The following ALPK2 variants were observed in gnomAD, a reference collection of about 807,000 sequenced individuals.
ALPK2 encodes the protein alpha-protein kinase 2.
A neutral mutation model predicts 163.1 loss-of-function variants in ALPK2; 127 were observed. The observed-to-expected ratio is 0.78, with a 90% CI of 0.67 to 0.90. The LOEUF (loss-of-function observed/expected upper bound fraction) is 0.90, where lower values mean the gene tolerates loss of function less well. Ranked by LOEUF, ALPK2 falls within the 40% of genes least tolerant of loss-of-function variation. The probability of loss-of-function intolerance (pLI) is 0.00; values close to 1 mark genes in which losing one functional copy is unlikely to be tolerated. For missense variants in ALPK2, 2,360 were observed against 2,589.6 expected, an observed-to-expected ratio of 0.91 and a Z score of 1.92; for synonymous variants, 953 against 959.1, an observed-to-expected ratio of 0.99 and a Z score of 0.12.
At chr18:58,486,088 GA>G (rs2051337566) in intron 12 of ALPK2, among the ~76,000 whole-genome samples, 1 of 152,218 alleles carries the variant, frequency 6.6e-6, no homozygotes, top group South Asian at 2.1e-4. Context: ...CTCTGGAATG[GA>G]AAAAGCTGAG....
At chr18:58,489,299 G>C (rs766887859) in intron 12 of ALPK2, among the ~76,000 whole-genome samples, 1 of 152,210 alleles carries the variant, frequency 6.6e-6, no homozygotes, top group Non-Finnish European at 1.5e-5. Flanking sequence ...CCTGTGGCAT[G>C]CTGGTTTCCA....
At chr18:58,529,878 A>G (rs777655844) in intron 5 of ALPK2, among the ~76,000 whole-genome samples, 36 of 152,230 alleles carry the variant, frequency 2.4e-4, no homozygotes, top group Non-Finnish European at 4.4e-4. Context: ...CTCAGTATCA[A>G]TATCAGTGAG....
chr18:58,547,004 G>C (rs1025709622), intron 4 of ALPK2, among the ~76,000 whole-genome samples: 5 of 96,568 alleles, frequency 5.2e-5, no homozygotes, highest in African/African-American at 1.8e-4. Flanking sequence ...AAATGGAGTA[G>C]GGTGATGGAA....
chr18:58,535,263 G>A lies in ALPK2; in HGVS notation c.4924C>T (p.Pro1642Ser), dbSNP rs1260367957. 8 of 1,613,988 alleles carry A rather than the reference G, an allele frequency of 5.0e-6. No homozygotes were observed. The highest frequency in any genetic ancestry group is 1.7e-5 in the Admixed American group (1 of 60,006). ...GCTGAGGAGCTAGATGAGCTTGGGG[G>A]TTTGGTTTCCCCAATTTGAAGCACC... The part of the protein sequence containing the change: ...IEVLQIGETK[P>S]PSSSSSSAKT... The change falls in exon 5 of 13, where the codon CCC becomes TCC. Residue 1642 changes from proline (P) to serine (S), a missense_variant. Pro to Ser is a moderately conservative substitution (Grantham distance 74). Transcript: ENST00000361673.
At chr18:58,511,845 C>T (rs2051491978) in intron 10 of ALPK2, 1 of 152,138 alleles carries the variant, frequency 6.6e-6, no homozygotes, top group Non-Finnish European at 1.5e-5. Flanking sequence ...CAGAGGCTTG[C>T]TCATGAGCAG....
intron 3 of ALPK2, among the ~76,000 whole-genome samples, chr18:58,605,211 G>A (rs75566899): frequency 2.0e-5 from 3 of 152,108 alleles, no homozygotes; most frequent in African/African-American, 4.8e-5. Flanking sequence ...GCCTGTTTTT[G>A]TAAATAAAGT....
intron 3 of ALPK2, among the ~76,000 whole-genome samples, chr18:58,595,399 T>C (rs368005953): frequency 1.4e-4 from 22 of 152,360 alleles, no homozygotes; most frequent in African/African-American, 4.8e-4. Context: ...TATTTTTGAA[T>C]GAAGTCCTTA....
chr18:58,579,004 G>T lies in ALPK2; in HGVS notation c.1772C>A (p.Thr591Asn), dbSNP rs762799980. 2 of 1,614,220 alleles carry T rather than the reference G, an allele frequency of 1.2e-6. No individual in the cohort carries two copies. Among genetic ancestry groups the T allele is most frequent in the East Asian group, 2.2e-5 (1 of 44,888 alleles). ...RETSHTTAAA[T>N]GRSSHADARE... The stretch of plus-strand genomic sequence containing the variant: ...TGCATCAGCATGGGAACTCCGACCA[G>T]TCGCTGCTGCTGTGGTGTGAGAAGT... Residue 591 changes from threonine to asparagine, a missense_variant, in exon 4 of 13, where the codon ACT becomes AAT. Physicochemically the swap from Thr to Asn is moderately conservative, Grantham distance 65. Transcript: ENST00000361673.
chr18:58,545,975 G>T (rs4308032), intron 4 of ALPK2, among the ~76,000 whole-genome samples: 26,338 of 152,098 alleles, frequency 0.17, 2,422 homozygotes, highest in East Asian at 0.21. Flanking sequence ...CATACCACCT[G>T]GGGCTGCAAA....
chr18:58,590,151 C>T (rs371608645), intron 3 of ALPK2, among the ~76,000 whole-genome samples: 1 of 142,708 alleles, frequency 7.0e-6, no homozygotes, highest in Non-Finnish European at 1.5e-5. Context: ...AACCCAGGGG[C>T]GGAGATTGCA....
At chr18:58,484,692 C>T (rs187950041) in intron 12 of ALPK2, among the ~76,000 whole-genome samples, 120 of 152,234 alleles carry the variant, frequency 7.9e-4, no homozygotes, top group Admixed American at 1.7e-3. Flanking sequence ...TGCAGTGAGA[C>T]GAGATCGCGC....
intron 12 of ALPK2, among the ~76,000 whole-genome samples, chr18:58,486,733 G>T (rs994571075): frequency 2.6e-5 from 4 of 152,020 alleles, no homozygotes; most frequent in African/African-American, 9.7e-5. Flanking sequence ...TCTCAATTTG[G>T]CCTCTGTCTC....
chr18:58,604,306 C>T (rs2052086872), intron 3 of ALPK2, among the ~76,000 whole-genome samples: 1 of 152,196 alleles, frequency 6.6e-6, no homozygotes, highest in African/African-American at 2.4e-5. Flanking sequence ...AATATTATAA[C>T]TAACAGCTAA....
At chr18:58,482,986 G>A (rs981901696) in intron 12 of ALPK2, among the ~76,000 whole-genome samples, 4 of 152,124 alleles carry the variant, frequency 2.6e-5, no homozygotes, top group Non-Finnish European at 5.9e-5. Flanking sequence ...AGGTCTTCCT[G>A]CCAGCCACCA....
chr18:58,503,826 G>C, intron 11 of ALPK2, 105 bp downstream of exon 11: 1 of 1,021,948 alleles, frequency 9.8e-7, no homozygotes, highest in South Asian at 1.6e-5. Flanking sequence ...GTGTTTCAAG[G>C]TACCCAGCAG....
intron 1 of ALPK2, among the ~76,000 whole-genome samples, chr18:58,625,591 G>A (rs1016940067): frequency 1.3e-5 from 2 of 152,240 alleles, no homozygotes; most frequent in Non-Finnish European, 2.9e-5. Context: ...TTTAGATTCT[G>A]TTGCACTTGA....
chr18:58,592,334 C>T (rs2052018727), intron 3 of ALPK2, among the ~76,000 whole-genome samples: 1 of 152,202 alleles, frequency 6.6e-6, no homozygotes, highest in East Asian at 1.9e-4. Flanking sequence ...TTCCAAAAGG[C>T]ACAGCCAAGG....
intron 10 of ALPK2, among the ~76,000 whole-genome samples, chr18:58,508,906 T>C (rs923820867): frequency 1.3e-5 from 2 of 151,988 alleles, no homozygotes; most frequent in African/African-American, 4.8e-5. Context: ...AATTATACTT[T>C]AAGTTTTAGG....
At chr18:58,567,897 C>T (rs961525927) in intron 4 of ALPK2, among the ~76,000 whole-genome samples, 3 of 152,174 alleles carry the variant, frequency 2.0e-5, no homozygotes, top group African/African-American at 7.2e-5. Flanking sequence ...CCCAGACCCA[C>T]TTTAACAGCA....
Sources: gnomAD v4.1 joint callset for allele counts (sites outside exome capture counted in the v4.1 genomes callset) on GRCh38, gnomAD v4.1.1 for gene constraint, MANE v1.5 for transcripts, NCBI Gene and HGNC (gene_info 2026-07-23, HGNC 2026-07-21) for gene names.